The following RASSF8 variants were observed in gnomAD, a reference collection of about 807,000 sequenced individuals.
RASSF8 encodes Ras association domain family member 8, also known as ras association domain-containing protein 8.
Under a neutral mutation model 48.5 loss-of-function variants are expected in RASSF8, and 22 were observed. That is an observed-to-expected ratio of 0.45 (90% confidence interval 0.32 to 0.65). The LOEUF (loss-of-function observed/expected upper bound fraction) is 0.65, where lower values mean the gene tolerates loss of function less well. RASSF8 is among the 30% of genes least tolerant of loss of function. The probability of loss-of-function intolerance (pLI) is 0.03; values close to 1 mark genes in which losing one functional copy is unlikely to be tolerated. For synonymous variants in RASSF8, 127 were observed against 171.5 expected (o/e 0.74, Z 2.03); for missense variants, 418 against 489.2 (o/e 0.85, Z 1.37).
chr12:26,059,002 A>G (rs1943679076), intron 3 of RASSF8, among the ~76,000 whole-genome samples: 1 of 152,176 alleles, frequency 6.6e-6, no homozygotes, highest in Non-Finnish European at 1.5e-5. Flanking sequence ...CCCAATTTAA[A>G]TGTTCTACTT....
At chr12:26,048,990 T>G (rs939910550) in intron 2 of RASSF8, among the ~76,000 whole-genome samples, 3 of 152,182 alleles carry the variant, frequency 2.0e-5, no homozygotes, top group Non-Finnish European at 4.4e-5. Context: ...ACTCCTGACC[T>G]CAGGTGATCC....
intron 2 of RASSF8, among the ~76,000 whole-genome samples, chr12:26,016,235 G>T (rs1288287097): frequency 6.7e-6 from 1 of 150,308 alleles, no homozygotes; most frequent in African/African-American, 2.4e-5. Flanking sequence ...TGTTTGTTTG[G>T]TTGGTTTTTG....
Position 25,958,994 on chromosome 12 carries a change from CG to C in RASSF8, c.-353del, listed in dbSNP as rs1941154166. Reference sequence around the variant, plus strand: ...GGGGGGCCGGGGCCTCCAGCCGGTGCGGGGCGCGCGGCGCGGGGAGCGCCGG... The same window carrying C: ...GGGGGGCCGGGGCCTCCAGCCGGTGCGGGCGCGCGGCGCGGGGAGCGCCGG... On this transcript the variant is annotated 5_prime_UTR_variant, in exon 1 of 6. Transcript: ENST00000689635. 1.4e-5 allele frequency: 2 copies of C among 146,420 alleles called. No individual in the cohort carries two copies. Among genetic ancestry groups the C allele is most frequent in the South Asian group, 2.1e-4 (1 of 4,760 alleles). 9.1% of individuals were successfully genotyped at this position (146,420 alleles called of 1,614,324 possible). A position where few individuals can be genotyped will look rare whatever the true frequency, so the allele number is the denominator to read the frequency against.
rs200064469 is a variant in RASSF8, at chr12:26,055,412, C to T, written c.69C>T (p.Cys23=). ...IVCGVTEVTT[C]QEVVIALAQA... is the part of the protein sequence containing the mutation. Reference sequence around the variant, plus strand: ...GTGGAGTCACTGAAGTCACAACTTGCCAGGAGGTTGTCATAGCCTTAGCTC... The same window carrying T: ...GTGGAGTCACTGAAGTCACAACTTGTCAGGAGGTTGTCATAGCCTTAGCTC... The change falls in exon 3 of 6, where the codon TGC becomes TGT. Residue 23 remains cysteine (C), a synonymous_variant. Coordinates refer to ENST00000689635, the MANE Select transcript of RASSF8 (RefSeq NM_001394098.1). The T allele has an allele frequency of 3.7e-6, 6 of 1,614,030 alleles. No homozygotes were observed. The East Asian group carries it at 1.1e-4, about 30-fold the overall frequency.
chr12:26,070,119 C>T lies in RASSF8; in HGVS notation c.*1301C>T. On this transcript the variant is annotated 3_prime_UTR_variant, in exon 6 of 6. Coordinates refer to ENST00000689635, the MANE Select transcript of RASSF8 (RefSeq NM_001394098.1). Reference sequence around the variant, plus strand: ...ACATTCCCTCTGGTTAGATTTGGTACAGTATAATTAAGACTTTAATCTGAA... The same window carrying T: ...ACATTCCCTCTGGTTAGATTTGGTATAGTATAATTAAGACTTTAATCTGAA... 1.0e-6 allele frequency: 1 copy of T among 972,774 alleles called. No homozygotes were observed. Among genetic ancestry groups the T allele is most frequent in the Non-Finnish European group, 1.2e-6 (1 of 818,486 alleles). The allele number at this position is 972,774 out of a possible 1,614,324, so 60.3% of individuals were successfully genotyped here.
intron 2 of RASSF8, among the ~76,000 whole-genome samples, chr12:26,023,701 ATTAG>A (rs75591095): frequency 0.018 from 2,793 of 152,264 alleles, 41 homozygotes; most frequent in Middle Eastern, 0.031. Flanking sequence ...AGGAAAGGTA[ATTAG>A]TTAATTACAA....
chr12:26,071,410 T>TAA lies in RASSF8; in HGVS notation c.*2598_*2599dup, dbSNP rs1052966941. On this transcript the variant is annotated 3_prime_UTR_variant, in exon 6 of 6. Transcript: ENST00000689635. ...AGATTTCAATGTTTTGTGTTTTTTT[T>TAA]AAAAAAATCATATTGCAACTTGTTT... 7.6e-6 allele frequency: 7 copies of TAA among 922,466 alleles called. No homozygotes were observed. The highest frequency in any genetic ancestry group is 1.8e-5 in the African/African-American group (1 of 55,650). The allele number at this position is 922,466 out of a possible 1,614,324, so 57.1% of individuals were successfully genotyped here.
At chr12:26,042,359 G>A (rs892120563) in intron 2 of RASSF8, among the ~76,000 whole-genome samples, 1 of 152,164 alleles carries the variant, frequency 6.6e-6, no homozygotes, top group African/African-American at 2.4e-5. Context: ...AAGTTATTCA[G>A]ATAGATAATT....
chr12:26,058,535 C>CGT (rs1943664033), intron 3 of RASSF8, among the ~76,000 whole-genome samples: 2 of 59,802 alleles, frequency 3.3e-5, no homozygotes, highest in African/African-American at 1.0e-4. Context: ...CGCACGCGCG[C>CGT]GCGCACACAC....
intron 4 of RASSF8, 99 bp downstream of exon 4, chr12:26,065,486 A>T: frequency 7.0e-7 from 1 of 1,421,942 alleles, no homozygotes; most frequent in Non-Finnish European, 9.4e-7. Context: ...ATATTCAAAG[A>T]ATTAGAAACC....
At chr12:26,017,942 G>A (rs1208506093) in intron 2 of RASSF8, among the ~76,000 whole-genome samples, 1 of 152,236 alleles carries the variant, frequency 6.6e-6, no homozygotes, top group Non-Finnish European at 1.5e-5. Context: ...AACCCGAAAA[G>A]TCTTTCATGG....
intron 2 of RASSF8, among the ~76,000 whole-genome samples, chr12:26,021,045 C>G (rs1942776104): frequency 6.6e-6 from 1 of 152,126 alleles, no homozygotes; most frequent in African/African-American, 2.4e-5. Context: ...GAATTCTTTA[C>G]TCCAATTACT....
intron 3 of RASSF8, among the ~76,000 whole-genome samples, chr12:26,057,003 C>CA (rs1393131789): frequency 2.0e-5 from 3 of 150,498 alleles, no homozygotes; most frequent in Non-Finnish European, 4.4e-5. Flanking sequence ...GGGAATTAAG[C>CA]CATGGACAGT....
intron 1 of RASSF8, among the ~76,000 whole-genome samples, chr12:25,993,757 C>CGG (rs1381667425): frequency 6.6e-6 from 1 of 152,086 alleles, no homozygotes; most frequent in Non-Finnish European, 1.5e-5. Flanking sequence ...CCAGAAGACT[C>CGG]TAACTCAACA....
chr12:25,984,769 A>G (rs1485666391), intron 1 of RASSF8, among the ~76,000 whole-genome samples: 1 of 152,198 alleles, frequency 6.6e-6, no homozygotes, highest in African/African-American at 2.4e-5. Flanking sequence ...TTTCTTCTTA[A>G]AATTGTGAGT....
intron 1 of RASSF8, among the ~76,000 whole-genome samples, chr12:25,968,634 G>T (rs768088930): frequency 3.2e-4 from 49 of 152,154 alleles, no homozygotes; most frequent in Non-Finnish European, 4.6e-4. Flanking sequence ...ATGAGCCATC[G>T]CACCCAGCCT....
intron 1 of RASSF8, among the ~76,000 whole-genome samples, chr12:25,974,699 A>G (rs1385075063): frequency 6.6e-6 from 1 of 152,144 alleles, no homozygotes; most frequent in Non-Finnish European, 1.5e-5. Context: ...GCAAACCTAT[A>G]CATTTATGGT....
chr12:25,974,758 G>T (rs1301949770), intron 1 of RASSF8, among the ~76,000 whole-genome samples: 2 of 152,108 alleles, frequency 1.3e-5, no homozygotes, highest in Non-Finnish European at 2.9e-5. Context: ...AAGTGTTGGG[G>T]CTGCACTCTG....
At chr12:25,967,387 A>G (rs1214985250) in intron 1 of RASSF8, among the ~76,000 whole-genome samples, 1 of 152,228 alleles carries the variant, frequency 6.6e-6, no homozygotes, top group African/African-American at 2.4e-5. Context: ...CACTTTTTAA[A>G]AAATGTTTCC....
Sources: gnomAD v4.1 joint callset for allele counts (sites outside exome capture counted in the v4.1 genomes callset) on GRCh38, gnomAD v4.1.1 for gene constraint, MANE v1.5 for transcripts, NCBI Gene and HGNC (gene_info 2026-07-23, HGNC 2026-07-21) for gene names.